Variants in GHR observed in about 807,000 individuals in gnomAD.
GHR encodes GH receptor.
A neutral mutation model predicts 67.1 loss-of-function variants in GHR; 35 were observed. The ratio of observed to expected loss-of-function variants is 0.52; its 90% CI spans 0.40 to 0.69. The LOEUF (loss-of-function observed/expected upper bound fraction) is 0.69. Ranked by LOEUF, GHR falls within the 30% of genes least tolerant of loss-of-function variation. The pLI, the probability that GHR is intolerant of heterozygous loss-of-function variation, is 0.00. For synonymous variants in GHR, 272 were observed against 269.1 expected, an observed-to-expected ratio of 1.01 and a Z score of -0.10; for missense variants, 792 against 764.6, an observed-to-expected ratio of 1.04 and a Z score of -0.42.
At chr5:42,598,392 G>A (rs926023880) in intron 2 of GHR, among the ~76,000 whole-genome samples, 5 of 152,154 alleles carry the variant, frequency 3.3e-5, no homozygotes, top group African/African-American at 1.2e-4. Flanking sequence ...ACACCTCTGG[G>A]CAATCCATTA....
chr5:42,613,576 A>T (rs145688682), intron 2 of GHR, among the ~76,000 whole-genome samples: 2,044 of 152,192 alleles, frequency 0.013, 37 homozygotes, highest in African/African-American at 0.047. Flanking sequence ...AAACAGGAAA[A>T]ATCACCTGTA....
intron 3 of GHR, among the ~76,000 whole-genome samples, chr5:42,663,307 G>C (rs376879634): frequency 6.6e-6 from 1 of 152,076 alleles, no homozygotes; most frequent in South Asian, 2.1e-4. Flanking sequence ...AGAATTTTAG[G>C]CCAATATCCT....
rs145175303 is a variant in GHR at position 42,716,323 on chromosome 5, T to C, written c.876-1729T>C. 5.2e-3 allele frequency among the ~76,000 whole-genome samples: 786 copies of C among 152,330 alleles called. 8 individuals carry two copies. Among genetic ancestry groups the C allele is most frequent in the African/African-American group, 0.018 (759 of 41,572 alleles). On this transcript the variant is annotated intron_variant, in intron 8 of 9. Coordinates refer to ENST00000230882, the MANE Select transcript of GHR (RefSeq NM_000163.5). ...TTAATTTTCCAAGTTTTTGCACAGA[T>C]ATATCATCTGCCTCCCTGGGAGTCA...
intron 3 of GHR, among the ~76,000 whole-genome samples, chr5:42,640,585 ATTT>A (rs1754418384): frequency 6.6e-6 from 1 of 151,848 alleles, no homozygotes; most frequent in Admixed American, 6.6e-5. Context: ...ATTCATGTAT[ATTT>A]TTCTGGAAGG....
Position 42,462,858 on chromosome 5 carries a change from A to T in GHR, c.-12+38903A>T, listed in dbSNP as rs572403776. On this transcript the variant is annotated intron_variant, in intron 1 of 9. Coordinates refer to ENST00000230882, the MANE Select transcript of GHR (RefSeq NM_000163.5). ...TGCATTATTGAAATGGAAAATCAGG[A>T]TGTGTTAAAAATGAATTAGTAATTA... 1.5e-4 allele frequency among the ~76,000 whole-genome samples: 23 copies of T among 152,266 alleles called. No individual in the cohort carries two copies. In the South Asian group the frequency reaches 4.4e-3, roughly 29 times the overall value.
intron 1 of GHR, among the ~76,000 whole-genome samples, chr5:42,487,750 T>C (rs919662219): frequency 6.6e-6 from 1 of 152,232 alleles, no homozygotes; most frequent in African/African-American, 2.4e-5. Flanking sequence ...ATTATATTCA[T>C]ATATTTCGTC....
At chr5:42,486,319 C>T (rs115821505) in intron 1 of GHR, among the ~76,000 whole-genome samples, 3,659 of 152,298 alleles carry the variant, frequency 0.024, 55 homozygotes, top group South Asian at 0.039. Context: ...ATTTCAGGAC[C>T]TTGCTTCAAC....
chr5:42,515,784 C>T (rs1366533753), intron 1 of GHR, among the ~76,000 whole-genome samples: 1 of 152,126 alleles, frequency 6.6e-6, no homozygotes, highest in Non-Finnish European at 1.5e-5. Flanking sequence ...GTGTAAAGGC[C>T]TTGGTGGAAG....
At chr5:42,676,805 C>T (rs1756595058) in intron 3 of GHR, among the ~76,000 whole-genome samples, 1 of 152,166 alleles carries the variant, frequency 6.6e-6, no homozygotes, top group South Asian at 2.1e-4. Context: ...ATTCCTGAAG[C>T]TCTTCAAACA....
At chr5:42,700,130 T>C in intron 6 of GHR, 128 bp downstream of exon 6, 1 of 684,140 alleles carries the variant, frequency 1.5e-6, no homozygotes, top group Admixed American at 2.1e-5. Flanking sequence ...AATTTCTTAA[T>C]TGAGAAAACA....
chr5:42,451,855 C>T (rs1375826138), intron 1 of GHR, among the ~76,000 whole-genome samples: 1 of 152,098 alleles, frequency 6.6e-6, no homozygotes, highest in Non-Finnish European at 1.5e-5. Flanking sequence ...GATTTCTCTC[C>T]ATTCTGTCAT....
At chr5:42,621,426 T>G (rs1037519387) in intron 2 of GHR, among the ~76,000 whole-genome samples, 1 of 152,120 alleles carries the variant, frequency 6.6e-6, no homozygotes, top group African/African-American at 2.4e-5. Context: ...TCTCAGCACA[T>G]GCACAAGCTT....
At chr5:42,626,287 A>G (rs1330557309) in intron 2 of GHR, among the ~76,000 whole-genome samples, 2 of 152,236 alleles carry the variant, frequency 1.3e-5, no homozygotes, top group Non-Finnish European at 2.9e-5. Flanking sequence ...TGCAAGTAAT[A>G]GGTTGTTACC....
intron 3 of GHR, among the ~76,000 whole-genome samples, chr5:42,681,378 C>G (rs995526784): frequency 1.3e-5 from 2 of 152,078 alleles, no homozygotes; most frequent in African/African-American, 4.8e-5. Flanking sequence ...CACTGGTCAT[C>G]AGAGAAATGC....
chr5:42,662,827 G>T (rs56763407), intron 3 of GHR, among the ~76,000 whole-genome samples: 2,412 of 152,006 alleles, frequency 0.016, 22 homozygotes, highest in Middle Eastern at 0.051. Context: ...GCTGGTTTTT[G>T]GAAAGGATCA....
At chr5:42,449,675 G>C (rs1743964312) in intron 1 of GHR, among the ~76,000 whole-genome samples, 1 of 152,154 alleles carries the variant, frequency 6.6e-6, no homozygotes, top group Admixed American at 6.5e-5. Flanking sequence ...GAACTACGCT[G>C]AATAGAAGTG....
chr5:42,477,389 A>G (rs1477726771), intron 1 of GHR, among the ~76,000 whole-genome samples: 3 of 152,190 alleles, frequency 2.0e-5, no homozygotes, highest in African/African-American at 2.4e-5. Context: ...TCCTTTGGGT[A>G]TATACCCCAG....
chr5:42,459,555 A>G (rs1464780413), intron 1 of GHR, among the ~76,000 whole-genome samples: 3 of 152,168 alleles, frequency 2.0e-5, no homozygotes, highest in Admixed American at 2.0e-4. Context: ...CAAACTACCT[A>G]TCAGATACTA....
intron 1 of GHR, among the ~76,000 whole-genome samples, chr5:42,538,530 C>T (rs1748362558): frequency 6.6e-6 from 1 of 152,150 alleles, no homozygotes; most frequent in South Asian, 2.1e-4. Context: ...TGCAGGGTTT[C>T]TGATGAGAAA....
Sources: allele counts gnomAD v4.1 joint callset (sites outside exome capture counted in the v4.1 genomes callset), GRCh38; gene constraint gnomAD v4.1.1; transcripts MANE v1.5; gene names NCBI Gene and HGNC (gene_info 2026-07-23, HGNC 2026-07-21).